Variants in APOL2 observed in about 807,000 individuals in gnomAD.
APOL2 encodes apolipoprotein L2, also known as apolipoprotein L, 2.
APOL2 carries 8 observed loss-of-function variants against 7.1 expected under a neutral mutation model. That is an observed-to-expected ratio of 1.12 (90% CI 0.66 to 2.03). The LOEUF is 2.03. Ranked by LOEUF, APOL2 falls within the 30% of genes most tolerant of loss-of-function variation. The probability of loss-of-function intolerance (pLI) is 0.00; values close to 1 mark genes in which losing one functional copy is unlikely to be tolerated. For missense variants in APOL2, 471 were observed against 415.1 expected (o/e 1.13, Z -1.17); for synonymous variants, 177 against 159.9 (o/e 1.11, Z -0.81).
At chr22:36,237,220 C>T (rs1277896087) in intron 1 of APOL2, 6 of 1,382,410 alleles carry the variant, frequency 4.3e-6, no homozygotes, top group Non-Finnish European at 4.7e-6. Context: ...GGTGAGCCTG[C>T]AGGCTGGTCA....
At chr22:36,228,356 C>T in intron 4 of APOL2, 76 bp from the exon 5 acceptor site, 4 of 1,508,822 alleles carry the variant, frequency 2.7e-6, no homozygotes, top group Non-Finnish European at 3.5e-6. Context: ...GATCTCTATC[C>T]TGTGTAAATT....
chr22:36,231,676 C>T (rs762629384), intron 3 of APOL2, among the ~76,000 whole-genome samples: 30 of 152,056 alleles, frequency 2.0e-4, no homozygotes, highest in African/African-American at 7.2e-4. Flanking sequence ...GAAGATTGGG[C>T]CTTTAAGGAA....
rs1481422955 is a variant in APOL2, at chr22:36,227,541, A to T, written c.877T>A (p.Tyr293Asn). The T allele has an allele frequency of 1.2e-6, 2 of 1,614,022 alleles. No homozygotes were observed. Among genetic ancestry groups the T allele is most frequent in the African/African-American group, 2.7e-5 (2 of 74,912 alleles). The change falls in exon 5 of 5, where the codon TAT (tyrosine) becomes AAT (asparagine). Residue 293 changes from tyrosine to asparagine, a missense_variant. By Grantham distance (143) the Tyr-to-Asn change is moderately radical. Transcript: ENST00000358502. ...CCCTCAAGCAAGTGCTTTGACTCAT[A>T]TGCAAGGCTGACCACATCCAGCAGA... The part of the protein sequence containing the change: ...LLLLDVVSLA[Y>N]ESKHLLEGAK...
chr22:36,239,628 C>T (rs1276655706), upstream of APOL2: 5 of 869,288 alleles, frequency 5.8e-6, no homozygotes, highest in South Asian at 6.1e-5. Flanking sequence ...ACAGTAAACA[C>T]GCTGCTCCCC....
intron 1 of APOL2, 28 bp from the exon 2 acceptor site, chr22:36,233,483 A>G (rs1054200551): frequency 6.5e-7 from 1 of 1,541,948 alleles, no homozygotes. Context: ...GAAGATAATC[A>G]GAGGAGGGGC....
At chr22:36,235,928 C>T (rs1167368986) in intron 1 of APOL2, among the ~76,000 whole-genome samples, 2 of 151,966 alleles carry the variant, frequency 1.3e-5, no homozygotes, top group Admixed American at 1.3e-4. Flanking sequence ...ACAAAACGAC[C>T]AGTCCAGGAT....
rs942652399 is a variant in APOL2, at chr22:36,227,123, G to C, written c.*281C>G. ...GAGGTCAGGAGATGGAGACCATCGT[G>C]GCTAACACAGTGAAACCCCGTCTCC... On this transcript the variant is annotated 3_prime_UTR_variant, in exon 5 of 5. Transcript: ENST00000358502. 1 of 299,936 alleles carries C rather than the reference G, an allele frequency of 3.3e-6. No homozygotes were observed. The highest frequency in any genetic ancestry group is 4.7e-5 in the Admixed American group (1 of 21,102). The allele number at this position is 299,936 out of a possible 1,614,324, so 18.6% of individuals were successfully genotyped here.
At chr22:36,231,612 T>C in intron 3 of APOL2, 146 bp from the exon 4 acceptor site, 1 of 999,636 alleles carries the variant, frequency 1.0e-6, no homozygotes, top group South Asian at 1.7e-5. Flanking sequence ...TATAGAGGGA[T>C]TGTGTGCCCC....
At chr22:36,239,249 G>C (rs136143) in intron 1 of APOL2, 192 bp downstream of exon 1, 24 of 1,368,928 alleles carry the variant, frequency 1.8e-5, no homozygotes, top group Middle Eastern at 2.7e-4. Context: ...CAGTTTACCC[G>C]CCCAGCAGGA....
intron 4 of APOL2, among the ~76,000 whole-genome samples, chr22:36,230,744 C>T (rs1012238829): frequency 6.6e-6 from 1 of 151,598 alleles, no homozygotes; most frequent in African/African-American, 2.4e-5. Flanking sequence ...AAGCCCAGAG[C>T]CCAGGAACTA....
In APOL2 at chr22:36,226,853, C is replaced by G. The variant is rs927391939; in HGVS notation, c.*551G>C. On this transcript the variant is annotated 3_prime_UTR_variant, in exon 5 of 5. Transcript: ENST00000358502. ...TACTTCTTCCCATTCCCCACACTCT[C>G]CAGTCCTCTCTCCTCCCTTATTGCA... 6.2e-6 allele frequency: 1 copy of G among 160,442 alleles called. No individual in the cohort carries two copies. The highest frequency in any genetic ancestry group is 6.4e-5 in the Admixed American group (1 of 15,604). 9.9% of individuals were successfully genotyped at this position (160,442 alleles called of 1,614,324 possible). A position where few individuals can be genotyped will look rare whatever the true frequency, so the allele number is the denominator to read the frequency against.
At chr22:36,233,374 C>T (rs1433910926) in intron 2 of APOL2, 28 bp downstream of exon 2, 1 of 1,557,202 alleles carries the variant, frequency 6.4e-7, no homozygotes. Flanking sequence ...TCCTGGGGCC[C>T]TGCCAGCTAG....
rs377494811 is a variant in APOL2, at chr22:36,228,064, C to A, written c.354G>T (p.Val118=). The stretch of plus-strand genomic sequence containing the variant: ...AGGTAGTGCCAACAGAGTTGGACAC[C>A]ACATTGGCAATGGTGGTGCCTCTGT... ...QVHRGTTIAN[V]VSNSVGTTSG... The change falls in exon 5 of 5, where the codon GTG becomes GTT. Residue 118 remains valine, a synonymous_variant. Coordinates refer to ENST00000358502, the MANE Select transcript of APOL2 (RefSeq NM_030882.4). 61 of 1,614,102 alleles carry A rather than the reference C, an allele frequency of 3.8e-5. No homozygotes were observed. Among genetic ancestry groups the A allele is most frequent in the Non-Finnish European group, 5.0e-5 (59 of 1,180,048 alleles).
chr22:36,228,386 T>C, intron 4 of APOL2, 106 bp from the exon 5 acceptor site: 1 of 1,427,850 alleles, frequency 7.0e-7, no homozygotes, highest in Non-Finnish European at 9.4e-7. Context: ...TCACTATCAA[T>C]CAAATAGAAA....
In APOL2 at chr22:36,233,206, C is replaced by T; in HGVS notation, c.-44G>A. Reference sequence around the variant, plus strand: ...ACCGAGGGGCTTTCCTTGGAGCTCTCCAGTCACTGTCCAGACTGGAAGGTT... The same window carrying T: ...ACCGAGGGGCTTTCCTTGGAGCTCTTCAGTCACTGTCCAGACTGGAAGGTT... On this transcript the variant is annotated 5_prime_UTR_variant, in exon 3 of 5. Coordinates refer to ENST00000358502, the MANE Select transcript of APOL2 (RefSeq NM_030882.4). The T allele has an allele frequency of 6.2e-7, 1 of 1,614,068 alleles. No individual in the cohort carries two copies.
chr22:36,237,190 GAC>G, intron 1 of APOL2: 1 of 1,481,778 alleles, frequency 6.7e-7, no homozygotes, highest in Non-Finnish European at 9.0e-7. Context: ...GCTTGACTAG[GAC>G]ACAGTGTGTA....
chr22:36,227,684 A>G lies in APOL2; in HGVS notation c.734T>C (p.Val245Ala). 1 of 1,614,202 alleles carries G rather than the reference A, an allele frequency of 6.2e-7. No homozygotes were observed. The highest frequency in any genetic ancestry group is 1.1e-5 in the South Asian group (1 of 91,086). Reference protein sequence around the residue: ...QLGAYAPPPHVIGRISAEGGE... With the variant: ...QLGAYAPPPHAIGRISAEGGE... ...GCCTTCAGCTGAGATTCGCCCAATG[A>G]CATGCGGGGGTGGGGCATACGCTCC... The change falls in exon 5 of 5, where the codon GTC (valine) becomes GCC (alanine). Residue 245 changes from valine to alanine, a missense_variant. Physicochemically the swap from Val to Ala is moderately conservative, Grantham distance 64. Coordinates refer to ENST00000358502, the MANE Select transcript of APOL2 (RefSeq NM_030882.4).
At chr22:36,234,822 T>C (rs750125149) in intron 1 of APOL2, among the ~76,000 whole-genome samples, 20 of 152,194 alleles carry the variant, frequency 1.3e-4, no homozygotes, top group Non-Finnish European at 1.9e-4. Context: ...GTATTTCCAT[T>C]TTCAGGTAAG....
intron 1 of APOL2, among the ~76,000 whole-genome samples, chr22:36,234,878 C>T (rs1053199996): frequency 3.9e-5 from 6 of 152,200 alleles, no homozygotes; most frequent in Non-Finnish European, 7.3e-5. Context: ...TCAGAATCTA[C>T]TACGTGGTAA....
Sources: gnomAD v4.1 joint callset for allele counts (sites outside exome capture counted in the v4.1 genomes callset) on GRCh38, gnomAD v4.1.1 for gene constraint, MANE v1.5 for transcripts, NCBI Gene and HGNC (gene_info 2026-07-23, HGNC 2026-07-21) for gene names.